Variants in SIPA1L1 observed in about 807,000 individuals in gnomAD.
SIPA1L1 encodes signal-induced proliferation-associated 1-like protein 1.
A neutral mutation model predicts 162.7 loss-of-function variants in SIPA1L1; 26 were observed. That is an observed-to-expected ratio of 0.16 (90% CI 0.12 to 0.22). The LOEUF is 0.22. Ranked by LOEUF, SIPA1L1 falls within the 10% of genes least tolerant of loss-of-function variation. The probability of loss-of-function intolerance (pLI) is 1.00; values close to 1 mark genes in which losing one functional copy is unlikely to be tolerated. For synonymous variants in SIPA1L1, 829 were observed against 837.4 expected (o/e 0.99, Z 0.17); for missense variants, 1,874 against 2,241.0 (o/e 0.84, Z 3.31).
At chr14:71,701,856 TC>T (rs2082121366) in intron 14 of SIPA1L1, among the ~76,000 whole-genome samples, 1 of 152,204 alleles carries the variant, frequency 6.6e-6, no homozygotes, top group Admixed American at 6.5e-5. Context: ...TTCTACATGA[TC>T]TAAATGATAG....
intron 2 of SIPA1L1, among the ~76,000 whole-genome samples, chr14:71,442,877 A>C (rs922092291): frequency 2.0e-5 from 3 of 152,228 alleles, no homozygotes; most frequent in African/African-American, 7.2e-5. Context: ...TCAAGGCTGC[A>C]GTGAGCTATA....
At chr14:71,471,610 G>C (rs772836839) in intron 2 of SIPA1L1, among the ~76,000 whole-genome samples, 4 of 152,234 alleles carry the variant, frequency 2.6e-5, no homozygotes, top group Non-Finnish European at 5.9e-5. Flanking sequence ...CAAACAGAGA[G>C]AGGTGACAGG....
chr14:71,371,961 A>C (rs908338739), intron 2 of SIPA1L1, among the ~76,000 whole-genome samples: 1 of 152,220 alleles, frequency 6.6e-6, no homozygotes, highest in African/African-American at 2.4e-5. Context: ...TCCTTAATGC[A>C]TCTCAAGTTT....
intron 13 of SIPA1L1, among the ~76,000 whole-genome samples, chr14:71,687,120 C>A (rs2080928004): frequency 6.6e-6 from 1 of 152,184 alleles, no homozygotes; most frequent in Non-Finnish European, 1.5e-5. Context: ...AACAGACAAA[C>A]AATTTAATTA....
At chr14:71,406,330 C>T (rs1027790497) in intron 2 of SIPA1L1, among the ~76,000 whole-genome samples, 44 of 152,282 alleles carry the variant, frequency 2.9e-4, no homozygotes, top group African/African-American at 9.6e-4. Context: ...CTTGTCATCA[C>T]TTCTTTGCCT....
rs185882962 is a variant in SIPA1L1, at chr14:71,323,812, G to A, written c.-465+2631G>A. ...TTGGTTTCTGTGATTACAGTGATGAGCAAGAGTGTACCTGGCCACATGGAA... is the reference window on the plus strand; with the variant it reads ...TTGGTTTCTGTGATTACAGTGATGAACAAGAGTGTACCTGGCCACATGGAA... On this transcript the variant is annotated intron_variant, in intron 2 of 23. Transcript: ENST00000381232. 3.4e-4 allele frequency among the ~76,000 whole-genome samples: 52 copies of A among 152,282 alleles called. No homozygotes were observed. The East Asian group carries it at 8.3e-3, about 24-fold the overall frequency.
At position 71,631,679 on chromosome 14, in the gene SIPA1L1, T is replaced by C. The variant is rs192937083; in HGVS notation, c.1818+7443T>C. On this transcript the variant is annotated intron_variant, in intron 7 of 23. Transcript: ENST00000381232. Reference sequence around the variant, plus strand: ...AGGTTAGAATATGTCTGTGTACTTATATATAAATAATTTTGAAAGCATCTG... The same window carrying C: ...AGGTTAGAATATGTCTGTGTACTTACATATAAATAATTTTGAAAGCATCTG... Among the ~76,000 whole-genome samples the C allele has an allele frequency of 7.0e-4, 106 of 152,368 alleles. 1 individual carries two copies. The highest frequency in any genetic ancestry group is 2.5e-3 in the African/African-American group (103 of 41,600).
intron 2 of SIPA1L1, among the ~76,000 whole-genome samples, chr14:71,412,457 C>T (rs529659203): frequency 3.9e-5 from 6 of 152,232 alleles, no homozygotes; most frequent in South Asian, 4.1e-4. Flanking sequence ...GATATTTGTA[C>T]GATTTGGTTA....
intron 2 of SIPA1L1, among the ~76,000 whole-genome samples, chr14:71,511,088 C>T (rs896249368): frequency 3.9e-5 from 6 of 152,098 alleles, no homozygotes; most frequent in African/African-American, 1.4e-4. Flanking sequence ...CCTTTGTTCC[C>T]CAGGTGAATT....
At chr14:71,514,010 C>A (rs942120023) in intron 3 of SIPA1L1, among the ~76,000 whole-genome samples, 1 of 152,092 alleles carries the variant, frequency 6.6e-6, no homozygotes, top group Admixed American at 6.5e-5. Flanking sequence ...CAATTCTTGC[C>A]TCCTCAGAAG....
chr14:71,575,311 C>T (rs1339189751), intron 4 of SIPA1L1, among the ~76,000 whole-genome samples: 2 of 152,086 alleles, frequency 1.3e-5, no homozygotes, highest in Non-Finnish European at 2.9e-5. Context: ...CTGTCTGTGC[C>T]CCCAGCCCAC....
intron 2 of SIPA1L1, among the ~76,000 whole-genome samples, chr14:71,345,316 C>G (rs1344488335): frequency 6.6e-6 from 1 of 152,126 alleles, no homozygotes; most frequent in African/African-American, 2.4e-5. Flanking sequence ...ATTCAGTCAT[C>G]AGACAGTTGT....
At chr14:71,592,929 T>A (rs1338419137) in intron 5 of SIPA1L1, among the ~76,000 whole-genome samples, 1 of 152,172 alleles carries the variant, frequency 6.6e-6, no homozygotes, top group Non-Finnish European at 1.5e-5. Context: ...CTCTTTGCCA[T>A]TTTGCTAGTG....
chr14:71,549,029 C>A (rs1397672948), intron 4 of SIPA1L1, among the ~76,000 whole-genome samples: 3 of 152,052 alleles, frequency 2.0e-5, no homozygotes, highest in Non-Finnish European at 4.4e-5. Context: ...CCCAAGTCTG[C>A]TTTTTCTCTT....
intron 7 of SIPA1L1, among the ~76,000 whole-genome samples, chr14:71,636,002 A>G (rs1262215400): frequency 1.3e-5 from 2 of 152,246 alleles, no homozygotes; most frequent in Admixed American, 6.5e-5. Context: ...AGGTCAATCC[A>G]CCAAGAAGAC....
Position 71,698,971 on chromosome 14 carries a change from G to C in SIPA1L1, c.3375-10G>C. 1 of 1,613,928 alleles carries C rather than the reference G, an allele frequency of 6.2e-7. No individual in the cohort carries two copies. Among genetic ancestry groups the C allele is most frequent in the Non-Finnish European group, 8.5e-7 (1 of 1,179,904 alleles). On this transcript the variant is annotated splice_polypyrimidine_tract_variant and intron_variant, in intron 13 of 23. Transcript: ENST00000381232. ...ATTGTTGACTTCATGTTTTTGTATT[G>C]CACATGCAGGCTGTCTCCTGGTTCG...
In SIPA1L1 at chr14:71,329,719, A is replaced by G. The variant is rs541177376; in HGVS notation, c.-465+8538A>G. Among the ~76,000 whole-genome samples the G allele has an allele frequency of 2.5e-3, 388 of 152,276 alleles. 6 individuals are homozygous for G. In the South Asian group the frequency reaches 0.027, roughly 10 times the overall value. On this transcript the variant is annotated intron_variant, in intron 2 of 23. Coordinates refer to ENST00000381232, the MANE Select transcript of SIPA1L1 (RefSeq NM_001386936.1). ...TTGATGAAGTTGATTGTATTTTCAT[A>G]TTCTCGTTGGCCATTTGTATATTAT...
At chr14:71,503,394 G>C (rs2050402295) in intron 2 of SIPA1L1, among the ~76,000 whole-genome samples, 1 of 152,174 alleles carries the variant, frequency 6.6e-6, no homozygotes, top group Non-Finnish European at 1.5e-5. Context: ...AACATTTTAA[G>C]ATGCTGATTT....
intron 12 of SIPA1L1, among the ~76,000 whole-genome samples, chr14:71,675,413 GAAAAGCCATACAGTTTCCATCTGA>G (rs1398196602): frequency 6.6e-6 from 1 of 152,238 alleles, no homozygotes; most frequent in East Asian, 1.9e-4. Context: ...GTTTCCATCT[GAAAAGCCATACAGTTTCCATCTGA>G]AAAGTCAGAC....
Sources: gnomAD v4.1 joint callset for allele counts (sites outside exome capture counted in the v4.1 genomes callset) on GRCh38, gnomAD v4.1.1 for gene constraint, MANE v1.5 for transcripts, NCBI Gene and HGNC (gene_info 2026-07-23, HGNC 2026-07-21) for gene names.